Variants in LIMCH1 observed in about 807,000 individuals in gnomAD.
LIMCH1 encodes LIM and calponin homology domains-containing protein 1.
LIMCH1 carries 113 observed loss-of-function variants against 176.5 expected under a neutral mutation model. The observed-to-expected ratio is 0.64, with a 90% confidence interval of 0.55 to 0.75. The LOEUF (loss-of-function observed/expected upper bound fraction) is 0.75, where lower values mean the gene tolerates loss of function less well. Ranked by LOEUF, LIMCH1 falls within the 30% of genes least tolerant of loss-of-function variation. The pLI is 0.00. For synonymous variants in LIMCH1, 619 were observed against 645.9 expected (o/e 0.96, Z 0.63); for missense variants, 1,674 against 1,814.9 (o/e 0.92, Z 1.41).
At chr4:41,676,206 G>A (rs907955200) in intron 22 of LIMCH1, among the ~76,000 whole-genome samples, 176 bp from the exon 23 acceptor site, 2 of 152,226 alleles carry the variant, frequency 1.3e-5, no homozygotes, top group Non-Finnish European at 2.9e-5. Context: ...AAACCAAAGA[G>A]GGACTAAGAT....
chr4:41,457,581 G>A (rs917886458), intron 1 of LIMCH1, among the ~76,000 whole-genome samples: 8 of 152,234 alleles, frequency 5.3e-5, no homozygotes, highest in African/African-American at 1.7e-4. Flanking sequence ...GGCCCAGGGA[G>A]GCTAAGTAGC....
Position 41,524,265 on chromosome 4 carries a change from G to A in LIMCH1, c.168-144G>A, listed in dbSNP as rs147812213. 2,119 of 690,714 alleles carry A rather than the reference G, an allele frequency of 3.1e-3. 11 individuals carry two copies. The highest frequency in any genetic ancestry group is 8.8e-3 in the African/African-American group (494 of 56,314). The allele number at this position is 690,714 out of a possible 1,614,324, so 42.8% of individuals were successfully genotyped here. A position where few individuals can be genotyped will look rare whatever the true frequency, so the allele number is the denominator to read the frequency against. ...AAGCTCTTCACTTATATGCATGAAGGCTGATAGATTATTGAGATTTACTAT... is the reference window on the plus strand; with the variant it reads ...AAGCTCTTCACTTATATGCATGAAGACTGATAGATTATTGAGATTTACTAT... On this transcript the variant is annotated intron_variant, in intron 2 of 26. Transcript: ENST00000313860.
intron 28 of LIMCH1, 118 bp from the exon 29 acceptor site, chr4:41,687,722 A>T: frequency 4.8e-6 from 3 of 619,826 alleles, no homozygotes; most frequent in East Asian, 2.8e-5. Context: ...GTGGTCTTTG[A>T]TTTGGTTGTC....
At chr4:41,485,533 G>A (rs540800760) in intron 1 of LIMCH1, among the ~76,000 whole-genome samples, 4 of 152,316 alleles carry the variant, frequency 2.6e-5, no homozygotes, top group South Asian at 4.1e-4. Flanking sequence ...AATTGCCACC[G>A]TAAGTACTTC....
rs781620046 is a variant in LIMCH1 at position 41,663,008 on chromosome 4, C to T, written c.3291+24C>T. Reference sequence around the variant, plus strand: ...AGGTGAAGTGCAGAGTGGAGGAAAGCGGTTAAACCCACAAGTTAACATGGC... The same window carrying T: ...AGGTGAAGTGCAGAGTGGAGGAAAGTGGTTAAACCCACAAGTTAACATGGC... On this transcript the variant is annotated intron_variant, in intron 20 of 31. Transcript: ENST00000503057. 19 of 1,603,648 alleles carry T rather than the reference C, an allele frequency of 1.2e-5. No individual in the cohort carries two copies. In the East Asian group the frequency reaches 1.3e-4, roughly 11 times the overall value.
At chr4:41,436,853 A>G (rs1035863948) in intron 1 of LIMCH1, among the ~76,000 whole-genome samples, 2 of 152,166 alleles carry the variant, frequency 1.3e-5, no homozygotes, top group Non-Finnish European at 2.9e-5. Flanking sequence ...GTAAAAACAC[A>G]TGGTTTTTGT....
At chr4:41,390,507 G>A (rs1346461583) in intron 1 of LIMCH1, among the ~76,000 whole-genome samples, 1 of 152,208 alleles carries the variant, frequency 6.6e-6, no homozygotes, top group African/African-American at 2.4e-5. Flanking sequence ...CTAGGCTTTG[G>A]CAATTAGGGT....
chr4:41,445,784 C>T (rs1456281067), intron 1 of LIMCH1, among the ~76,000 whole-genome samples: 5 of 152,150 alleles, frequency 3.3e-5, no homozygotes, highest in Non-Finnish European at 7.3e-5. Context: ...TAGCTACTGA[C>T]CTTTCTATCT....
intron 1 of LIMCH1, among the ~76,000 whole-genome samples, chr4:41,449,672 G>T (rs1395664837): frequency 6.6e-6 from 1 of 152,166 alleles, no homozygotes; most frequent in Non-Finnish European, 1.5e-5. Context: ...CAGAAAAATG[G>T]ATTGAGACCA....
chr4:41,666,463 G>A, intron 20 of LIMCH1, 98 bp from the exon 21 acceptor site: 5 of 711,128 alleles, frequency 7.0e-6, no homozygotes, highest in Non-Finnish European at 1.2e-5. Flanking sequence ...TGAACTGAAT[G>A]ACTTCTATAA....
chr4:41,486,107 G>A (rs1241192945), intron 1 of LIMCH1, among the ~76,000 whole-genome samples: 3 of 152,178 alleles, frequency 2.0e-5, no homozygotes, highest in Admixed American at 6.5e-5. Context: ...GAGAGAGCAG[G>A]ATTTGGGGGA....
intron 1 of LIMCH1, among the ~76,000 whole-genome samples, chr4:41,423,584 G>T (rs1363907316): frequency 6.6e-6 from 1 of 152,132 alleles, no homozygotes; most frequent in Non-Finnish European, 1.5e-5. Flanking sequence ...TTGTGGGCTT[G>T]TTTTGATACA....
Position 41,459,385 on chromosome 4 carries a change from C to T in LIMCH1, c.97-35151C>T, listed in dbSNP as rs1011077263. On this transcript the variant is annotated intron_variant, in intron 1 of 26. Transcript: ENST00000313860. ...GCTTCAACATGGCTCATTGCAGCCT[C>T]GACCTCCTGGGCTTAAGTAATTCTC... Among the ~76,000 whole-genome samples, 10 of 152,084 alleles carry T rather than the reference C, an allele frequency of 6.6e-5. No individual in the cohort carries two copies. The East Asian group carries it at 7.7e-4, about 12-fold the overall frequency.
At chr4:41,558,429 GT>G (rs1232882907) in intron 1 of LIMCH1, among the ~76,000 whole-genome samples, 3 of 152,124 alleles carry the variant, frequency 2.0e-5, no homozygotes, top group Non-Finnish European at 4.4e-5. Context: ...CTTCTTTCCA[GT>G]TCAAAATCTT....
intron 2 of LIMCH1, among the ~76,000 whole-genome samples, chr4:41,501,482 T>A (rs1342780383): frequency 3.3e-5 from 5 of 152,234 alleles, no homozygotes. Flanking sequence ...CAAGAATTGA[T>A]AAGCCTTGTA....
At chr4:41,487,001 C>CACACACACAT (rs747440805) in intron 1 of LIMCH1, among the ~76,000 whole-genome samples, 32 of 148,406 alleles carry the variant, frequency 2.2e-4, no homozygotes, top group Non-Finnish European at 3.7e-4. Context: ...CACACACACA[C>CACACACACAT]ATATATATAT....
intron 1 of LIMCH1, among the ~76,000 whole-genome samples, chr4:41,578,219 G>A (rs1023960573): frequency 6.6e-6 from 1 of 152,050 alleles, no homozygotes; most frequent in Non-Finnish European, 1.5e-5. Flanking sequence ...GAATGAAGAG[G>A]AAGCAAAGCA....
At chr4:41,519,581 C>T (rs1447544607) in intron 2 of LIMCH1, among the ~76,000 whole-genome samples, 1 of 152,096 alleles carries the variant, frequency 6.6e-6, no homozygotes, top group East Asian at 1.9e-4. Flanking sequence ...CATTTGTTGA[C>T]CTGATTCATT....
intron 2 of LIMCH1, among the ~76,000 whole-genome samples, chr4:41,507,349 A>G (rs1165486397): frequency 6.6e-6 from 1 of 151,916 alleles, no homozygotes. Flanking sequence ...TTCCTGGAGG[A>G]TGGGAGTGGG....
Sources: allele counts gnomAD v4.1 joint callset (sites outside exome capture counted in the v4.1 genomes callset), GRCh38; gene constraint gnomAD v4.1.1; transcripts MANE v1.5; gene names NCBI Gene and HGNC (gene_info 2026-07-23, HGNC 2026-07-21).